The following COL22A1 variants were observed in gnomAD, a reference collection of about 807,000 sequenced individuals.
COL22A1 encodes the protein collagen alpha-1(XXII) chain.
COL22A1 carries 221 observed loss-of-function variants against 248.9 expected under a neutral mutation model. The ratio of observed to expected loss-of-function variants is 0.89; its 90% confidence interval spans 0.80 to 0.99. COL22A1 has a LOEUF of 0.99. COL22A1 is among the 50% of genes least tolerant of loss of function. The probability of loss-of-function intolerance (pLI) is 0.00; values close to 1 mark genes in which losing one functional copy is unlikely to be tolerated. For missense variants in COL22A1, 2,240 were observed against 2,179.0 expected, an observed-to-expected ratio of 1.03 and a Z score of -0.56; for synonymous variants, 891 against 793.4, an observed-to-expected ratio of 1.12 and a Z score of -2.07.
intron 1 of COL22A1, among the ~76,000 whole-genome samples, chr8:138,903,684 AG>A (rs1814787812): frequency 6.6e-6 from 1 of 152,154 alleles, no homozygotes; most frequent in Non-Finnish European, 1.5e-5. Context: ...TTTTGCTTTC[AG>A]TAAAAACCTC....
intron 47 of COL22A1, among the ~76,000 whole-genome samples, chr8:138,637,963 A>T (rs1821335535): frequency 6.6e-6 from 1 of 152,044 alleles, no homozygotes; most frequent in African/African-American, 2.4e-5. Context: ...CACCGTCATC[A>T]TCCTCATCTT....
intron 63 of COL22A1, among the ~76,000 whole-genome samples, chr8:138,593,038 TA>T (rs1817218051): frequency 1.3e-5 from 2 of 151,956 alleles, no homozygotes; most frequent in South Asian, 2.1e-4. Context: ...TATGCAGCCA[TA>T]AAAAAGAATG....
chr8:138,593,387 T>C (rs80246883), intron 63 of COL22A1, among the ~76,000 whole-genome samples: 16,548 of 152,024 alleles, frequency 0.11, 2,730 homozygotes, highest in African/African-American at 0.36. Flanking sequence ...AGTAAATTTT[T>C]TTTTTAAAAA....
chr8:138,670,750 A>G (rs888979747), intron 41 of COL22A1, among the ~76,000 whole-genome samples: 5 of 152,030 alleles, frequency 3.3e-5, no homozygotes, highest in Admixed American at 6.5e-5. Context: ...GCTTGGGCTC[A>G]GGAGTTTGAG....
chr8:138,596,055 A>C (rs142847330), intron 62 of COL22A1, among the ~76,000 whole-genome samples: 329 of 152,314 alleles, frequency 2.2e-3, no homozygotes, highest in Admixed American at 3.5e-3. Flanking sequence ...TCTGCTTCTA[A>C]CAATTCTTAC....
At chr8:138,627,782 G>T (rs1820366812) in intron 50 of COL22A1, among the ~76,000 whole-genome samples, 1 of 152,192 alleles carries the variant, frequency 6.6e-6, no homozygotes. Context: ...TTCAAGGCTT[G>T]CAAGGAGTCA....
intron 1 of COL22A1, among the ~76,000 whole-genome samples, chr8:138,900,371 A>C (rs769888569): frequency 6.6e-6 from 1 of 152,218 alleles, no homozygotes; most frequent in Non-Finnish European, 1.5e-5. Context: ...AGTGATTTCA[A>C]TGGAATTGGC....
rs1828124875 is a variant in COL22A1 at position 138,703,363 on chromosome 8, G to T, written c.2518-16C>A. The T allele has an allele frequency of 1.2e-6, 2 of 1,611,386 alleles. No homozygotes were observed. The highest frequency in any genetic ancestry group is 1.3e-5 in the African/African-American group (1 of 74,814). On this transcript the variant is annotated splice_polypyrimidine_tract_variant and intron_variant, in intron 30 of 64. Coordinates refer to ENST00000303045, the MANE Select transcript of COL22A1 (RefSeq NM_152888.3). ...CAGCTTCACCCTAGATGGAGAAATG[G>T]AAAATCCATGACCATTAATCTTCCT...
At chr8:138,833,799 T>TG (rs1321803812) in intron 4 of COL22A1, among the ~76,000 whole-genome samples, 2 of 152,026 alleles carry the variant, frequency 1.3e-5, no homozygotes, top group African/African-American at 4.8e-5. Context: ...TGGACTTGGG[T>TG]GAGGGTCAAG....
Position 138,719,563 on chromosome 8 carries a change from G to A in COL22A1, c.2355+1176C>T, listed in dbSNP as rs893218542. ...TTTAATCTGTGTGTTTTTCTGCTTG[G>A]TTTTAATTGGGTCTTTTAAAAATGA... On this transcript the variant is annotated intron_variant, in intron 27 of 64. Coordinates refer to ENST00000303045, the MANE Select transcript of COL22A1 (RefSeq NM_152888.3). 6.6e-5 allele frequency among the ~76,000 whole-genome samples: 10 copies of A among 152,264 alleles called. No homozygotes were observed. In the East Asian group the frequency reaches 1.7e-3, roughly 27 times the overall value.
At chr8:138,670,580 C>T (rs1314460660) in intron 41 of COL22A1, among the ~76,000 whole-genome samples, 2 of 151,834 alleles carry the variant, frequency 1.3e-5, no homozygotes, top group African/African-American at 4.9e-5. Flanking sequence ...TGGACTAAAG[C>T]AGGCAGATAA....
Position 138,826,753 on chromosome 8 carries a change from C to T in COL22A1, c.874G>A (p.Glu292Lys). 6.2e-7 allele frequency: 1 copy of T among 1,614,130 alleles called. No homozygotes were observed. Among genetic ancestry groups the T allele is most frequent in the South Asian group, 1.1e-5 (1 of 91,076 alleles). The change falls in exon 6 of 65, where the codon GAG becomes AAG. Residue 292 changes from glutamate to lysine, a missense_variant. Physicochemically the swap from Glu to Lys is moderately conservative, Grantham distance 56. Transcript: ENST00000303045. ...EDVFPQGLPD[E>K]YAFVTTFRFR... ...CGGAAGGTTGTGACAAAGGCGTACT[C>T]ATCAGGTAAACCTTGGGGGAACACA...
chr8:138,655,981 G>A (rs1477628131), intron 44 of COL22A1, 37 bp from the exon 45 acceptor site: 1 of 1,509,166 alleles, frequency 6.6e-7, no homozygotes, highest in Non-Finnish European at 9.2e-7. Context: ...ATACGTACAT[G>A]CATATATACA....
In COL22A1 at chr8:138,878,255, C is replaced by A; in HGVS notation, c.153G>T (p.Lys51Asn). 1 of 1,586,008 alleles carries A rather than the reference C, an allele frequency of 6.3e-7. No individual in the cohort carries two copies. The highest frequency in any genetic ancestry group is 8.6e-7 in the Non-Finnish European group (1 of 1,165,846). The change falls in exon 3 of 65, where the codon AAG becomes AAT. Residue 51 changes from lysine (K) to asparagine (N), a missense_variant. Transcript: ENST00000303045. ...ACTGCCGGACCTTCTCAAAGTCCTC[C>A]TTGCCCACGCTGGAGGAGGTGTCCA... ...FLLDTSSSVGKEDFEKVRQWV... is the reference protein window; with the variant it reads ...FLLDTSSSVGNEDFEKVRQWV...
intron 64 of COL22A1, among the ~76,000 whole-genome samples, 196 bp from the exon 65 acceptor site, chr8:138,589,636 TAGA>T (rs778895890): frequency 4.6e-5 from 7 of 152,264 alleles, no homozygotes; most frequent in Middle Eastern, 3.4e-3. Flanking sequence ...CCTCAATATG[TAGA>T]AGAAGGGGTT....
At chr8:138,765,016 T>C (rs561432077) in intron 16 of COL22A1, among the ~76,000 whole-genome samples, 8 of 152,242 alleles carry the variant, frequency 5.3e-5, no homozygotes, top group African/African-American at 1.9e-4. Flanking sequence ...TTGGGGCGAA[T>C]GGTGAGTGGA....
intron 3 of COL22A1, among the ~76,000 whole-genome samples, chr8:138,856,612 G>A (rs1822038356): frequency 6.6e-6 from 1 of 150,606 alleles, no homozygotes; most frequent in South Asian, 2.1e-4. Context: ...GAGAGAGAGA[G>A]AGAGAGGAGC....
intron 37 of COL22A1, among the ~76,000 whole-genome samples, chr8:138,687,476 A>C (rs980614028): frequency 5.3e-5 from 8 of 152,238 alleles, no homozygotes; most frequent in Non-Finnish European, 1.2e-4. Flanking sequence ...AAGTAGATGA[A>C]CTTGAACTTG....
chr8:138,893,693 T>G (rs1825212546), intron 1 of COL22A1, among the ~76,000 whole-genome samples: 1 of 152,242 alleles, frequency 6.6e-6, no homozygotes. Flanking sequence ...AGAACTGGGT[T>G]GATGTTGACT....
Sources: gnomAD v4.1 joint callset for allele counts (sites outside exome capture counted in the v4.1 genomes callset) on GRCh38, gnomAD v4.1.1 for gene constraint, MANE v1.5 for transcripts, NCBI Gene and HGNC (gene_info 2026-07-23, HGNC 2026-07-21) for gene names.